The following DLC1 variants were observed in gnomAD, a reference collection of about 807,000 sequenced individuals.
The protein encoded by DLC1 is rho GTPase-activating protein 7.
A neutral mutation model predicts 140.3 loss-of-function variants in DLC1; 54 were observed. The ratio of observed to expected loss-of-function variants is 0.38; its 90% CI spans 0.31 to 0.48. DLC1 has a LOEUF of 0.48. Among genes scored for constraint, DLC1 ranks in the 20% least tolerant of loss-of-function variants. The probability of loss-of-function intolerance (pLI) is 0.96; values close to 1 mark genes in which losing one functional copy is unlikely to be tolerated. For missense variants in DLC1, 2,536 were observed against 1,907.0 expected (o/e 1.33, Z -6.14); for synonymous variants, 986 against 728.1 (o/e 1.35, Z -5.70).
chr8:13,510,174 T>A (rs1323559179), intron 1 of DLC1, among the ~76,000 whole-genome samples: 39 of 134,998 alleles, frequency 2.9e-4, no homozygotes, highest in Admixed American at 7.8e-4. Context: ...CTTTATTCTT[T>A]TTTTTTTTTT....
intron 1 of DLC1, among the ~76,000 whole-genome samples, chr8:13,512,084 T>C (rs916058676): frequency 2.6e-5 from 4 of 152,102 alleles, no homozygotes; most frequent in African/African-American, 9.7e-5. Context: ...CTAGGCCTTC[T>C]AGGAATCAGG....
At chr8:13,511,446 A>T (rs1802362526) in intron 1 of DLC1, among the ~76,000 whole-genome samples, 1 of 152,228 alleles carries the variant, frequency 6.6e-6, no homozygotes, top group Non-Finnish European at 1.5e-5. Context: ...ATTCATTATT[A>T]TTCTGTTTAA....
intron 5 of DLC1, among the ~76,000 whole-genome samples, chr8:13,228,737 G>A (rs1017178372): frequency 2.6e-5 from 4 of 152,136 alleles, no homozygotes; most frequent in African/African-American, 4.8e-5. Flanking sequence ...GAGCAAGAGC[G>A]AGACTCTGTC....
At chr8:13,114,349 G>A (rs139695057) in intron 6 of DLC1, among the ~76,000 whole-genome samples, 44 of 152,262 alleles carry the variant, frequency 2.9e-4, no homozygotes, top group African/African-American at 9.6e-4. Flanking sequence ...GCGACAGAGC[G>A]AGACTCCGTC....
rs1483771230 is a variant in DLC1 at position 13,084,264 on chromosome 8, A to G, written c.*1547T>C. The G allele has an allele frequency of 1.3e-5, 2 of 152,648 alleles. No individual in the cohort carries two copies. Among genetic ancestry groups the G allele is most frequent in the Non-Finnish European group, 2.9e-5 (2 of 68,032 alleles). The allele number at this position is 152,648 out of a possible 1,614,324, so 9.5% of individuals were successfully genotyped here. On this transcript the variant is annotated 3_prime_UTR_variant, in exon 18 of 18. Transcript: ENST00000276297. Reference sequence around the variant, plus strand: ...ATGTATATCTTCATGAGGAACACTGATATCCAAAATACTCAAATTTTAAAA... The same window carrying G: ...ATGTATATCTTCATGAGGAACACTGGTATCCAAAATACTCAAATTTTAAAA...
At chr8:13,237,197 ATGTGTGTGTG>A (rs376660880) in intron 5 of DLC1, among the ~76,000 whole-genome samples, 9 of 138,212 alleles carry the variant, frequency 6.5e-5, no homozygotes, top group African/African-American at 1.6e-4. Context: ...ATATATATAT[ATGTGTGTGTG>A]TGTGTGTGTG....
intron 2 of DLC1, among the ~76,000 whole-genome samples, chr8:13,466,018 G>A (rs114523146): frequency 0.015 from 2,259 of 152,234 alleles, 27 homozygotes; most frequent in African/African-American, 0.022. Flanking sequence ...TCCCTAGGGG[G>A]CAGCTAGATG....
chr8:13,246,144 C>T (rs1480805487), intron 5 of DLC1, among the ~76,000 whole-genome samples: 2 of 152,126 alleles, frequency 1.3e-5, no homozygotes, highest in Admixed American at 1.3e-4. Context: ...AGCAACACTT[C>T]CACCTAGAAC....
intron 5 of DLC1, among the ~76,000 whole-genome samples, chr8:13,302,339 A>G (rs1223687414): frequency 3.3e-5 from 5 of 152,330 alleles, no homozygotes; most frequent in African/African-American, 1.2e-4. Flanking sequence ...TGCCTAGAAC[A>G]TGCTGCTGTT....
rs1585750520 is a variant in DLC1, at chr8:13,141,304, G to A, written c.1349-25647C>T. Among the ~76,000 whole-genome samples, 3 of 132,490 alleles carry A rather than the reference G, an allele frequency of 2.3e-5. No homozygotes were observed. The East Asian group carries it at 6.6e-4, about 29-fold the overall frequency. The allele number at this position is 132,490 out of a possible 152,430, so 86.9% of individuals were successfully genotyped here. On this transcript the variant is annotated intron_variant, in intron 5 of 17. Transcript: ENST00000276297. The stretch of plus-strand genomic sequence containing the variant: ...AAAAAAGCCAGCTGCTAAAAAGCTA[G>A]CAGAGATCTAAGGGCACCGAGTTTT...
At chr8:13,483,986 A>C (rs10109129) in intron 2 of DLC1, among the ~76,000 whole-genome samples, 3,583 of 152,236 alleles carry the variant, frequency 0.024, 156 homozygotes, top group African/African-American at 0.082. Flanking sequence ...AGGCTGAGGC[A>C]AGAGAATCGA....
intron 2 of DLC1, among the ~76,000 whole-genome samples, chr8:13,413,969 G>T (rs887560808): frequency 1.3e-5 from 2 of 152,050 alleles, no homozygotes; most frequent in African/African-American, 4.8e-5. Flanking sequence ...GTTACAGTTT[G>T]AAATTACTCC....
chr8:13,428,367 A>G (rs1460385718), intron 2 of DLC1, among the ~76,000 whole-genome samples: 1 of 152,202 alleles, frequency 6.6e-6, no homozygotes, highest in African/African-American at 2.4e-5. Flanking sequence ...ATGGCTTGAG[A>G]GGAATGTTTG....
At chr8:13,361,324 A>G (rs978431302) in intron 4 of DLC1, among the ~76,000 whole-genome samples, 6 of 151,796 alleles carry the variant, frequency 4.0e-5, no homozygotes. Flanking sequence ...ACATCTTAAT[A>G]GCTCACTGTA....
chr8:13,343,016 T>G (rs535727577), intron 4 of DLC1, among the ~76,000 whole-genome samples: 48 of 152,222 alleles, frequency 3.2e-4, no homozygotes, highest in South Asian at 8.3e-4. Context: ...GAGAGTAATT[T>G]AATTTTCCCG....
intron 1 of DLC1, among the ~76,000 whole-genome samples, chr8:13,601,191 G>C (rs150289041): frequency 3.3e-5 from 5 of 151,668 alleles, no homozygotes; most frequent in Non-Finnish European, 7.4e-5. Flanking sequence ...AATACAATAA[G>C]GCTCAGTCAG....
chr8:13,552,029 ATG>A (rs201152749), intron 1 of DLC1, among the ~76,000 whole-genome samples: 1,432 of 138,364 alleles, frequency 0.01, 11 homozygotes, highest in South Asian at 0.027. Flanking sequence ...GTATATATAT[ATG>A]TGTGTGTGTA....
intron 4 of DLC1, among the ~76,000 whole-genome samples, chr8:13,334,469 A>T (rs1367077178): frequency 6.6e-6 from 1 of 152,150 alleles, no homozygotes; most frequent in Non-Finnish European, 1.5e-5. Flanking sequence ...AAGCAGAAAG[A>T]TCACTGTGCA....
rs1344140147 is a variant in DLC1, at chr8:13,502,732, AACTG to A, written c.-125-2540_-125-2537del. Among the ~76,000 whole-genome samples, 14 of 150,526 alleles carry A rather than the reference AACTG, an allele frequency of 9.3e-5. No homozygotes were observed. In the East Asian group the frequency reaches 2.7e-3, roughly 29 times the overall value. On this transcript the variant is annotated intron_variant, in intron 1 of 17. Coordinates refer to ENST00000276297, the MANE Select transcript of DLC1 (RefSeq NM_182643.3). Reference sequence around the variant, plus strand: ...CCTTATTTAAAATTACATTTCAAAAAACTGACTACTTATTTTTCAGATTTCTATT... The same window carrying A: ...CCTTATTTAAAATTACATTTCAAAAAACTACTTATTTTTCAGATTTCTATT...
Sources: gnomAD v4.1 joint callset for allele counts (sites outside exome capture counted in the v4.1 genomes callset) on GRCh38, gnomAD v4.1.1 for gene constraint, MANE v1.5 for transcripts, NCBI Gene and HGNC (gene_info 2026-07-23, HGNC 2026-07-21) for gene names.